The following ADAMTSL1 variants were observed in gnomAD, a reference collection of about 807,000 sequenced individuals.
ADAMTSL1 encodes the protein ADAMTS like 1.
A neutral mutation model predicts 201.8 loss-of-function variants in ADAMTSL1; 126 were observed. The observed-to-expected ratio is 0.62, with a 90% CI of 0.54 to 0.72. ADAMTSL1 has a LOEUF of 0.72. ADAMTSL1 is among the 30% of genes least tolerant of loss of function. ADAMTSL1 has a pLI of 0.00. For missense variants in ADAMTSL1, 2,679 were observed against 2,277.8 expected, an observed-to-expected ratio of 1.18 and a Z score of -3.59; for synonymous variants, 1,121 against 903.4, an observed-to-expected ratio of 1.24 and a Z score of -4.32.
rs76778655 is a variant in ADAMTSL1 at position 18,866,116 on chromosome 9, C to CAAAAAAAAAAAAAAAAAAAAAAAAAAA, written c.4250-21701_4250-21700insAAAAAAAAAAAAAAAAAAAAAAAAAAA. Among the ~76,000 whole-genome samples, 218 of 78,462 alleles carry CAAAAAAAAAAAAAAAAAAAAAAAAAAA rather than the reference C, an allele frequency of 2.8e-3. 26 individuals are homozygous for CAAAAAAAAAAAAAAAAAAAAAAAAAAA. The highest frequency in any genetic ancestry group is 6.8e-3 in the Middle Eastern group (1 of 148). The allele number at this position is 78,462 out of a possible 152,430, so 51.5% of individuals were successfully genotyped here. On this transcript the variant is annotated intron_variant, in intron 23 of 28. Coordinates refer to ENST00000380548, the MANE Select transcript of ADAMTSL1 (RefSeq NM_001040272.6). ...AGAGAGATTGCTTGCCTTCAAAAAC[C>CAAAAAAAAAAAAAAAAAAAAAAAAAAA]AAAAAAAAAAAAAATGACGGATACT... is the stretch of plus-strand genomic sequence containing the variant.
chr9:18,835,001 C>T (rs1825224053), intron 23 of ADAMTSL1, among the ~76,000 whole-genome samples: 1 of 152,096 alleles, frequency 6.6e-6, no homozygotes, highest in South Asian at 2.1e-4. Context: ...AAATGACTTG[C>T]TCGAATCATA....
At chr9:18,751,121 A>G (rs1819446021) in intron 15 of ADAMTSL1, among the ~76,000 whole-genome samples, 1 of 152,376 alleles carries the variant, frequency 6.6e-6, no homozygotes, top group East Asian at 1.9e-4. Context: ...AAGGCATGGC[A>G]AAGAATGTAT....
intron 2 of ADAMTSL1, among the ~76,000 whole-genome samples, chr9:18,278,181 G>C (rs558757852): frequency 6.6e-6 from 1 of 152,014 alleles, no homozygotes; most frequent in Non-Finnish European, 1.5e-5. Flanking sequence ...AGAATCAAAA[G>C]GTATTTATGC....
chr9:18,505,102 A>ATT, intron 2 of ADAMTSL1, 146 bp downstream of exon 2: 2 of 1,114,684 alleles, frequency 1.8e-6, no homozygotes, highest in Non-Finnish European at 2.4e-6. Context: ...CAAATAATTA[A>ATT]ATTTGTGTTC....
chr9:18,474,855 A>T (rs555685330), intron 1 of ADAMTSL1, among the ~76,000 whole-genome samples: 2 of 152,344 alleles, frequency 1.3e-5, no homozygotes, highest in East Asian at 3.9e-4. Flanking sequence ...GGATTTATGA[A>T]TTGAGGATTA....
At chr9:18,031,342 T>G (rs1367568302) in intron 1 of ADAMTSL1, among the ~76,000 whole-genome samples, 1 of 152,158 alleles carries the variant, frequency 6.6e-6, no homozygotes, top group Non-Finnish European at 1.5e-5. Flanking sequence ...CTTTTTTTCC[T>G]TTGAAGCCTT....
At chr9:18,760,573 C>A (rs1820018819) in intron 16 of ADAMTSL1, among the ~76,000 whole-genome samples, 1 of 152,200 alleles carries the variant, frequency 6.6e-6, no homozygotes, top group Admixed American at 6.5e-5. Context: ...AACTTACTGG[C>A]CTATGCTGCC....
chr9:18,689,180 A>G (rs777969268), intron 13 of ADAMTSL1, among the ~76,000 whole-genome samples: 4 of 152,298 alleles, frequency 2.6e-5, no homozygotes, highest in Middle Eastern at 3.4e-3. Flanking sequence ...TGGAAGCTAA[A>G]AAAATTACTG....
At chr9:18,055,677 T>G (rs1351544311) in intron 1 of ADAMTSL1, among the ~76,000 whole-genome samples, 1 of 152,222 alleles carries the variant, frequency 6.6e-6, no homozygotes, top group Non-Finnish European at 1.5e-5. Flanking sequence ...AGGGGCGCTG[T>G]GTCTTAGAGT....
chr9:18,099,793 A>AT (rs1480610479), intron 1 of ADAMTSL1, among the ~76,000 whole-genome samples: 8 of 151,468 alleles, frequency 5.3e-5, no homozygotes, highest in Non-Finnish European at 1.2e-4. Context: ...TGCCTGGCTA[A>AT]TTTTTTGCAT....
At chr9:18,573,976 T>C in intron 3 of ADAMTSL1, 54 bp from the exon 4 acceptor site, 3 of 1,458,678 alleles carry the variant, frequency 2.1e-6, no homozygotes, top group African/African-American at 1.4e-5. Flanking sequence ...TCTGGTTTCA[T>C]GTTTGGGGGT....
chr9:18,240,079 G>C (rs961010340), intron 2 of ADAMTSL1, among the ~76,000 whole-genome samples: 16 of 152,160 alleles, frequency 1.1e-4, no homozygotes, highest in Non-Finnish European at 2.2e-4. Context: ...ATGGCATCTA[G>C]AAAGGTGACT....
intron 2 of ADAMTSL1, among the ~76,000 whole-genome samples, chr9:18,259,384 G>A (rs1185860954): frequency 6.6e-6 from 1 of 151,998 alleles, no homozygotes; most frequent in Non-Finnish European, 1.5e-5. Flanking sequence ...AATTAGCCAG[G>A]CATGGTGGCA....
chr9:18,468,814 C>A (rs2131738226), intron 2 of ADAMTSL1, among the ~76,000 whole-genome samples: 1 of 152,292 alleles, frequency 6.6e-6, no homozygotes, highest in South Asian at 2.1e-4. Flanking sequence ...ATGAGAAGCC[C>A]TGAATTAAGT....
chr9:18,031,909 G>T (rs1211506846), intron 1 of ADAMTSL1, among the ~76,000 whole-genome samples: 1 of 152,188 alleles, frequency 6.6e-6, no homozygotes, highest in African/African-American at 2.4e-5. Context: ...ACATGATCCT[G>T]GGCAGGGCAG....
At chr9:18,565,441 G>C (rs1397277300) in intron 3 of ADAMTSL1, among the ~76,000 whole-genome samples, 1 of 152,074 alleles carries the variant, frequency 6.6e-6, no homozygotes, top group Admixed American at 6.6e-5. Context: ...AGACTTGAGA[G>C]TTTGGGGGAA....
intron 23 of ADAMTSL1, among the ~76,000 whole-genome samples, chr9:18,853,271 T>C (rs1056429226): frequency 7.9e-5 from 12 of 152,194 alleles, no homozygotes; most frequent in Admixed American, 4.6e-4. Context: ...AGCCAATTTA[T>C]TAAGACAGGG....
At chr9:18,722,198 G>A (rs1833435216) in intron 15 of ADAMTSL1, among the ~76,000 whole-genome samples, 1 of 152,130 alleles carries the variant, frequency 6.6e-6, no homozygotes, top group Non-Finnish European at 1.5e-5. Flanking sequence ...GTTCAGCCCT[G>A]CCTGGGTCTC....
intron 2 of ADAMTSL1, among the ~76,000 whole-genome samples, chr9:18,182,522 C>A (rs1336587251): frequency 6.6e-6 from 1 of 152,134 alleles, no homozygotes; most frequent in Non-Finnish European, 1.5e-5. Context: ...TCTTGTGGCT[C>A]TGTTTATATA....
Sources: gnomAD v4.1 joint callset for allele counts (sites outside exome capture counted in the v4.1 genomes callset) on GRCh38, gnomAD v4.1.1 for gene constraint, MANE v1.5 for transcripts, NCBI Gene and HGNC (gene_info 2026-07-23, HGNC 2026-07-21) for gene names.